Variants in SYK observed in about 807,000 individuals in gnomAD.
The protein encoded by SYK is spleen associated tyrosine kinase.
A neutral mutation model predicts 77.8 loss-of-function variants in SYK; 16 were observed. The observed-to-expected ratio is 0.21, with a 90% CI of 0.14 to 0.31. The LOEUF is 0.31. Among genes scored for constraint, SYK ranks in the 10% least tolerant of loss-of-function variants. The pLI is 1.00. For missense variants in SYK, 529 were observed against 814.4 expected (o/e 0.65, Z 4.26); for synonymous variants, 312 against 308.7 (o/e 1.01, Z -0.11).
At chr9:90,864,482 T>C in intron 4 of SYK, 107 bp from the exon 5 acceptor site, 1 of 941,482 alleles carries the variant, frequency 1.1e-6, no homozygotes, top group Middle Eastern at 2.5e-4. Context: ...CATTTATGTG[T>C]CTTGGGGCCA....
chr9:90,888,799 C>T (rs536645285), intron 13 of SYK, among the ~76,000 whole-genome samples, 172 bp downstream of exon 13: 49 of 152,258 alleles, frequency 3.2e-4, no homozygotes, highest in African/African-American at 1.1e-3. Context: ...GCTTTCTGGC[C>T]CATGCACTTA....
chr9:90,874,094 T>C (rs543430463), intron 7 of SYK, 110 bp from the exon 8 acceptor site: 39 of 891,032 alleles, frequency 4.4e-5, no homozygotes, highest in Non-Finnish European at 6.2e-5. Context: ...TCCTTTGTCT[T>C]TCCTGCAAAA....
intron 1 of SYK, among the ~76,000 whole-genome samples, chr9:90,817,882 T>TGTGTGTGA (rs1302553724): frequency 4.9e-4 from 33 of 66,908 alleles, no homozygotes; most frequent in African/African-American, 1.3e-3. Context: ...TGTGTGTGTG[T>TGTGTGTGA]GAGAGAGAGA....
chr9:90,807,582 G>T (rs1193820709), intron 1 of SYK, among the ~76,000 whole-genome samples: 1 of 152,318 alleles, frequency 6.6e-6, no homozygotes, highest in Non-Finnish European at 1.5e-5. Context: ...TCCCAGGCGG[G>T]CTGACTCTGG....
intron 1 of SYK, among the ~76,000 whole-genome samples, chr9:90,831,909 G>C (rs529292890): frequency 2.0e-5 from 3 of 152,256 alleles, no homozygotes; most frequent in Admixed American, 6.5e-5. Context: ...TTACTGTCTG[G>C]TGTCTCTAAG....
intron 6 of SYK, among the ~76,000 whole-genome samples, chr9:90,866,315 C>T (rs1297320145): frequency 6.6e-6 from 1 of 152,218 alleles, no homozygotes; most frequent in Non-Finnish European, 1.5e-5. Flanking sequence ...TACATCCTGC[C>T]TCCAGTAGGG....
chr9:90,823,966 T>C (rs931820498), intron 1 of SYK, among the ~76,000 whole-genome samples: 2 of 151,930 alleles, frequency 1.3e-5, no homozygotes, highest in African/African-American at 2.4e-5. Context: ...ATGTTGGTTC[T>C]TTGAAATCAT....
rs375788429 is a variant in SYK at position 90,821,249 on chromosome 9, C to T, written c.-42+19356C>T. Among the ~76,000 whole-genome samples the T allele has an allele frequency of 4.6e-5, 7 of 152,226 alleles. 1 individual carries two copies. The highest frequency in any genetic ancestry group is 3.9e-4 in the Admixed American group (6 of 15,284). ...TCTGCCTGTTACCCAGTTCCAAAGT[C>T]ACTTCCACATTTTGGAGTATCTTTT... On this transcript the variant is annotated intron_variant, in intron 1 of 13. Coordinates refer to ENST00000375754, the MANE Select transcript of SYK (RefSeq NM_003177.7).
At chr9:90,842,444 TG>T (rs1329936729) in intron 1 of SYK, among the ~76,000 whole-genome samples, 2 of 150,348 alleles carry the variant, frequency 1.3e-5, no homozygotes, top group Non-Finnish European at 3.0e-5. Flanking sequence ...TAGAATTTGG[TG>T]TGTGCGGTGT....
chr9:90,835,986 C>A (rs934072179), intron 1 of SYK, among the ~76,000 whole-genome samples: 11 of 152,108 alleles, frequency 7.2e-5, no homozygotes, highest in Admixed American at 7.2e-4. Flanking sequence ...AACTCCATAG[C>A]CCAGAAATAT....
intron 1 of SYK, among the ~76,000 whole-genome samples, chr9:90,808,223 C>T (rs7036417): frequency 0.27 from 40,957 of 152,070 alleles, 6,310 homozygotes; most frequent in Non-Finnish European, 0.36. Flanking sequence ...TTCTTCAGTC[C>T]ATCCACTTAG....
At position 90,849,312 on chromosome 9, in the gene SYK, C is replaced by T. The variant is rs369879485; in HGVS notation, c.578+3718C>T. 2.6e-3 allele frequency among the ~76,000 whole-genome samples: 396 copies of T among 152,266 alleles called. 1 individual carries two copies. Among genetic ancestry groups the T allele is most frequent in the African/African-American group, 9.2e-3 (381 of 41,564 alleles). ...GCCTGAGCATCAGTCAGTTTGTCTC[C>T]GCTCTGATCTCCTGTCCACCCCACC... is the stretch of plus-strand genomic sequence containing the variant. On this transcript the variant is annotated intron_variant, in intron 3 of 13. Coordinates refer to ENST00000375754, the MANE Select transcript of SYK (RefSeq NM_003177.7).
At position 90,843,896 on chromosome 9, in the gene SYK, A is replaced by G. The variant is rs762079685; in HGVS notation, c.-3A>G. 8 of 1,524,226 alleles carry G rather than the reference A, an allele frequency of 5.2e-6. No individual in the cohort carries two copies. The highest frequency in any genetic ancestry group is 6.2e-6 in the Non-Finnish European group (7 of 1,134,910). 94.4% of individuals were successfully genotyped at this position (1,524,226 alleles called of 1,614,324 possible). On this transcript the variant is annotated 5_prime_UTR_variant, in exon 2 of 14. Coordinates refer to ENST00000375754, the MANE Select transcript of SYK (RefSeq NM_003177.7). Reference sequence around the variant, plus strand: ...CAGGTGTGTGCCCTCCGGCCCCTGAAGCATGGCCAGCAGCGGCATGGCTGA... The same window carrying G: ...CAGGTGTGTGCCCTCCGGCCCCTGAGGCATGGCCAGCAGCGGCATGGCTGA...
intron 7 of SYK, among the ~76,000 whole-genome samples, chr9:90,871,457 G>A (rs1827723563): frequency 6.6e-6 from 1 of 152,168 alleles, no homozygotes; most frequent in Non-Finnish European, 1.5e-5. Context: ...TTTAAGAATA[G>A]TATTTTTACA....
chr9:90,861,971 G>A (rs1339547377), intron 3 of SYK, among the ~76,000 whole-genome samples: 1 of 152,172 alleles, frequency 6.6e-6, no homozygotes, highest in Non-Finnish European at 1.5e-5. Flanking sequence ...CAACCTGCTA[G>A]CATTTCCTTG....
intron 10 of SYK, 111 bp downstream of exon 10, chr9:90,877,891 G>A: frequency 9.1e-7 from 1 of 1,096,482 alleles, no homozygotes; most frequent in Admixed American, 2.2e-5. Flanking sequence ...ACCCTCCTGT[G>A]CCTTCCTTTA....
intron 1 of SYK, among the ~76,000 whole-genome samples, chr9:90,829,985 A>G (rs1825820000): frequency 6.6e-6 from 1 of 152,250 alleles, no homozygotes; most frequent in Non-Finnish European, 1.5e-5. Flanking sequence ...AGGCACAGCA[A>G]GAGAATTTGG....
At chr9:90,875,380 G>C (rs1827887192) in intron 9 of SYK, among the ~76,000 whole-genome samples, 1 of 151,990 alleles carries the variant, frequency 6.6e-6, no homozygotes, top group African/African-American at 2.4e-5. Flanking sequence ...TCTAGCCTGG[G>C]TAACAAAGCA....
At chr9:90,808,029 A>G (rs1824910626) in intron 1 of SYK, among the ~76,000 whole-genome samples, 1 of 152,032 alleles carries the variant, frequency 6.6e-6, no homozygotes, top group Admixed American at 6.6e-5. Flanking sequence ...GATTATTGTA[A>G]TTTTTATGAC....
Sources: allele counts gnomAD v4.1 joint callset (sites outside exome capture counted in the v4.1 genomes callset), GRCh38; gene constraint gnomAD v4.1.1; transcripts MANE v1.5; gene names NCBI Gene and HGNC (gene_info 2026-07-23, HGNC 2026-07-21).